The following SYTL3 variants were observed in gnomAD, a reference collection of about 807,000 sequenced individuals.
The protein encoded by SYTL3 is synaptotagmin-like protein 3.
A neutral mutation model predicts 82.1 loss-of-function variants in SYTL3; 88 were observed. The ratio of observed to expected loss-of-function variants is 1.07; its 90% CI spans 0.90 to 1.28. SYTL3 has a LOEUF of 1.28. Among genes scored for constraint, SYTL3 ranks in the 50% most tolerant of loss-of-function variants. The pLI is 0.00. For missense variants in SYTL3, 831 were observed against 757.6 expected (o/e 1.10, Z -1.14); for synonymous variants, 311 against 289.4 (o/e 1.07, Z -0.76).
chr6:158,658,643 G>A (rs1388749927), intron 2 of SYTL3, among the ~76,000 whole-genome samples: 2 of 152,076 alleles, frequency 1.3e-5, no homozygotes, highest in African/African-American at 2.4e-5. Flanking sequence ...AGAGTACGTC[G>A]GCCAGGCGCG....
At chr6:158,735,038 T>C (rs1163424867) in intron 11 of SYTL3, among the ~76,000 whole-genome samples, 1 of 152,146 alleles carries the variant, frequency 6.6e-6, no homozygotes, top group African/African-American at 2.4e-5. Flanking sequence ...AGTCCAGGCT[T>C]TTCACACTAT....
intron 11 of SYTL3, among the ~76,000 whole-genome samples, chr6:158,734,614 C>T (rs1785893143): frequency 6.6e-6 from 1 of 152,132 alleles, no homozygotes; most frequent in African/African-American, 2.4e-5. Flanking sequence ...GGCTTTGTTC[C>T]AAGCCACCTT....
At chr6:158,648,875 G>A (rs1294011221), upstream of SYTL3, among the ~76,000 whole-genome samples, 1 of 152,224 alleles carries the variant, frequency 6.6e-6, no homozygotes, top group African/African-American at 2.4e-5. Flanking sequence ...TGAGAGTCCT[G>A]TGCTGAGAAA....
chr6:158,664,692 C>T (rs1441150836), intron 4 of SYTL3, among the ~76,000 whole-genome samples: 1 of 152,176 alleles, frequency 6.6e-6, no homozygotes, highest in African/African-American at 2.4e-5. Flanking sequence ...AGTTGTATTT[C>T]AAAGGGTACT....
intron 5 of SYTL3, among the ~76,000 whole-genome samples, chr6:158,667,385 A>T (rs1790204146): frequency 6.6e-6 from 1 of 152,198 alleles, no homozygotes; most frequent in African/African-American, 2.4e-5. Flanking sequence ...CTATGAGTGC[A>T]TTAACAGGAG....
chr6:158,651,269 A>C (rs1787977090), intron 1 of SYTL3, among the ~76,000 whole-genome samples: 1 of 152,186 alleles, frequency 6.6e-6, no homozygotes, highest in Non-Finnish European at 1.5e-5. Flanking sequence ...CATAACAACA[A>C]TTGTGAGTAG....
intron 11 of SYTL3, among the ~76,000 whole-genome samples, chr6:158,734,094 CAA>C (rs560547617): frequency 4.3e-4 from 32 of 74,520 alleles, no homozygotes; most frequent in South Asian, 1.5e-3. Flanking sequence ...GACCCTGTCT[CAA>C]AAAAAAAAAA....
At chr6:158,725,834 T>C in intron 11 of SYTL3, 197 bp downstream of exon 11, 3 of 776,986 alleles carry the variant, frequency 3.9e-6, no homozygotes, top group Non-Finnish European at 4.4e-6. Flanking sequence ...TCCTCAGGCC[T>C]GTGTCTTGGA....
chr6:158,749,507 C>CTTTTTTTTTTTTTTTTTTTT (rs765386344), intron 12 of SYTL3, among the ~76,000 whole-genome samples: 2 of 66,028 alleles, frequency 3.0e-5, no homozygotes, highest in Admixed American at 1.8e-4. Context: ...TTCTTTCTCT[C>CTTTTTTTTTTTTTTTTTTTT]TTTTTTTTTT....
intron 6 of SYTL3, 131 bp downstream of exon 6, chr6:158,683,120 T>A (rs559016093): frequency 1.6e-6 from 1 of 642,336 alleles, no homozygotes; most frequent in African/African-American, 1.8e-5. Context: ...TGCCATTCCA[T>A]TTGCTGATGC....
chr6:158,756,719 A>ATTTTTT (rs758259824), intron 13 of SYTL3, among the ~76,000 whole-genome samples: 1,060 of 48,552 alleles, frequency 0.022, 37 homozygotes, highest in Middle Eastern at 0.042. Context: ...TCAAAAAAAA[A>ATTTTTT]TTTTTTTTTT....
At chr6:158,737,614 T>C (rs1355453475) in intron 11 of SYTL3, among the ~76,000 whole-genome samples, 1 of 151,984 alleles carries the variant, frequency 6.6e-6, no homozygotes, top group African/African-American at 2.4e-5. Context: ...TCAGGCTGAG[T>C]TTTGGGTTGC....
chr6:158,669,815 G>A (rs1439167810), intron 5 of SYTL3, among the ~76,000 whole-genome samples: 5 of 152,216 alleles, frequency 3.3e-5, no homozygotes, highest in South Asian at 2.1e-4. Context: ...GGTCATCCAC[G>A]AGGTCATGGA....
At chr6:158,673,014 T>G (rs1014274000) in intron 5 of SYTL3, among the ~76,000 whole-genome samples, 2 of 152,232 alleles carry the variant, frequency 1.3e-5, no homozygotes, top group African/African-American at 4.8e-5. Flanking sequence ...CACTGCAGCC[T>G]CCAACGCCTG....
chr6:158,759,148 G>A (rs957274798), intron 14 of SYTL3, among the ~76,000 whole-genome samples: 6 of 152,206 alleles, frequency 3.9e-5, no homozygotes, highest in East Asian at 1.9e-4. Flanking sequence ...TAGGACAGGC[G>A]GCCACCAGGC....
chr6:158,689,651 C>CT (rs34593490), intron 6 of SYTL3, among the ~76,000 whole-genome samples: 5,840 of 144,666 alleles, frequency 0.04, 126 homozygotes, highest in South Asian at 0.054. Flanking sequence ...TTTTACTTAA[C>CT]TTTTTTTTTT....
intron 5 of SYTL3, among the ~76,000 whole-genome samples, chr6:158,670,420 A>G (rs1777230992): frequency 6.6e-6 from 1 of 152,242 alleles, no homozygotes; most frequent in African/African-American, 2.4e-5. Flanking sequence ...CAAGGTTAAG[A>G]TGATATTTGT....
At chr6:158,670,892 T>G (rs981646405) in intron 5 of SYTL3, among the ~76,000 whole-genome samples, 1 of 151,554 alleles carries the variant, frequency 6.6e-6, no homozygotes, top group African/African-American at 2.4e-5. Context: ...AAGCTCCGCC[T>G]CCTGGGTTCA....
intron 10 of SYTL3, among the ~76,000 whole-genome samples, chr6:158,719,952 G>C (rs1039986429): frequency 6.6e-5 from 10 of 152,114 alleles, no homozygotes; most frequent in Admixed American, 6.5e-4. Flanking sequence ...AGCCGGGTGT[G>C]GTGTCACATG....
Sources: allele counts gnomAD v4.1 joint callset (sites outside exome capture counted in the v4.1 genomes callset), GRCh38; gene constraint gnomAD v4.1.1; transcripts MANE v1.5; gene names NCBI Gene and HGNC (gene_info 2026-07-23, HGNC 2026-07-21).